GRM1: variants seen among roughly 807,000 people sequenced by gnomAD.
GRM1 encodes metabotropic glutamate receptor 1.
In GRM1, 33 loss-of-function variants were observed where a neutral mutation model predicts 90.9. The observed-to-expected ratio is 0.36, with a 90% CI of 0.28 to 0.49. GRM1 has a LOEUF of 0.49. Among genes scored for constraint, GRM1 ranks in the 20% least tolerant of loss-of-function variants. GRM1 has a pLI of 0.99. For missense variants in GRM1, 1,190 were observed against 1,534.3 expected (o/e 0.78, Z 3.75); for synonymous variants, 700 against 613.2 (o/e 1.14, Z -2.09).
chr6:146,260,950 A>G (rs1781676746), intron 2 of GRM1, among the ~76,000 whole-genome samples: 1 of 151,048 alleles, frequency 6.6e-6, no homozygotes. Context: ...TAGCATCTAG[A>G]TACTGCTTGG....
chr6:146,311,849 G>GATCAT (rs1271696362), intron 3 of GRM1, among the ~76,000 whole-genome samples: 2 of 152,072 alleles, frequency 1.3e-5, no homozygotes, highest in Admixed American at 6.6e-5. Context: ...TGTTTTGATT[G>GATCAT]ATCATATGAT....
At chr6:146,199,190 A>C (rs1418245072) in intron 2 of GRM1, among the ~76,000 whole-genome samples, 1 of 152,158 alleles carries the variant, frequency 6.6e-6, no homozygotes, top group Non-Finnish European at 1.5e-5. Context: ...CTTCCCATTG[A>C]GTGCAATTCT....
chr6:146,030,759 C>T (rs1790677764), intron 1 of GRM1, among the ~76,000 whole-genome samples: 1 of 152,150 alleles, frequency 6.6e-6, no homozygotes, highest in Admixed American at 6.5e-5. Context: ...AGTCATCTCC[C>T]TCAGTATATC....
intron 1 of GRM1, among the ~76,000 whole-genome samples, chr6:146,080,575 G>A (rs1001271926): frequency 5.3e-5 from 8 of 152,118 alleles, no homozygotes; most frequent in Admixed American, 6.6e-5. Context: ...CTAAGCAAGG[G>A]GCCCCTACCC....
chr6:146,095,966 T>A (rs1430432054), intron 1 of GRM1, among the ~76,000 whole-genome samples: 2 of 152,152 alleles, frequency 1.3e-5, no homozygotes, highest in East Asian at 3.9e-4. Flanking sequence ...AATGTGGCTC[T>A]CTTCTCCTCT....
chr6:146,350,602 A>G (rs1785371010), intron 3 of GRM1, among the ~76,000 whole-genome samples: 1 of 152,004 alleles, frequency 6.6e-6, no homozygotes, highest in Non-Finnish European at 1.5e-5. Context: ...TACCTCTTTT[A>G]TGGTCCCAGT....
intron 1 of GRM1, among the ~76,000 whole-genome samples, chr6:146,130,813 C>G (rs917773066): frequency 1.3e-5 from 2 of 152,134 alleles, no homozygotes; most frequent in African/African-American, 2.4e-5. Flanking sequence ...GCTAGCCCCC[C>G]TCTCAAGTTC....
intron 1 of GRM1, among the ~76,000 whole-genome samples, chr6:146,044,228 T>G (rs950655724): frequency 6.6e-6 from 1 of 151,926 alleles, no homozygotes; most frequent in Admixed American, 6.6e-5. Context: ...ACAGTCTCCC[T>G]TCCTGTTTTC....
intron 2 of GRM1, among the ~76,000 whole-genome samples, chr6:146,198,007 A>T (rs886522688): frequency 6.6e-6 from 1 of 152,254 alleles, no homozygotes; most frequent in African/African-American, 2.4e-5. Context: ...CACAATAAAA[A>T]CAAAAAATAA....
Position 146,293,089 on chromosome 6 carries a change from A to T in GRM1, c.951-11522A>T, listed in dbSNP as rs567232848. On this transcript the variant is annotated intron_variant, in intron 2 of 7. Transcript: ENST00000282753. ...ATAGGTAAATCTATAGAGATAAAAAAGTGACTTGATTGCCAGGGACTGGGG... is the reference window on the plus strand; with the variant it reads ...ATAGGTAAATCTATAGAGATAAAAATGTGACTTGATTGCCAGGGACTGGGG... 1.5e-4 allele frequency among the ~76,000 whole-genome samples: 23 copies of T among 152,172 alleles called. No homozygotes were observed. In the South Asian group the frequency reaches 4.8e-3, roughly 31 times the overall value.
intron 5 of GRM1, among the ~76,000 whole-genome samples, chr6:146,377,870 C>A (rs564459866): frequency 6.6e-6 from 1 of 152,272 alleles, no homozygotes; most frequent in East Asian, 1.9e-4. Flanking sequence ...GTGCAAGCCC[C>A]AAGCCTTGGT....
At chr6:146,418,562 A>AT (rs140981953) in intron 7 of GRM1, among the ~76,000 whole-genome samples, 1,943 of 151,748 alleles carry the variant, frequency 0.013, 46 homozygotes, top group African/African-American at 0.045. Context: ...TATTTTTACT[A>AT]TTTTTTTAAT....
At chr6:146,304,439 T>C (rs576169236) in intron 2 of GRM1, among the ~76,000 whole-genome samples, 172 bp from the exon 3 acceptor site, 1 of 152,310 alleles carries the variant, frequency 6.6e-6, no homozygotes, top group East Asian at 1.9e-4. Context: ...AAACAGGATA[T>C]TATGCTTTCA....
intron 3 of GRM1, among the ~76,000 whole-genome samples, chr6:146,313,540 G>A (rs555143870): frequency 1.9e-4 from 29 of 152,102 alleles, no homozygotes; most frequent in Non-Finnish European, 3.1e-4. Context: ...GAATAGTTTT[G>A]TATTTCACGC....
At chr6:146,350,365 G>A (rs1785357797) in intron 3 of GRM1, among the ~76,000 whole-genome samples, 1 of 150,802 alleles carries the variant, frequency 6.6e-6, no homozygotes, top group South Asian at 2.1e-4. Flanking sequence ...GTTTGACCCT[G>A]TTGTTGGTTG....
intron 1 of GRM1, among the ~76,000 whole-genome samples, chr6:146,040,675 T>C (rs1008517956): frequency 2.0e-5 from 3 of 152,038 alleles, no homozygotes; most frequent in African/African-American, 7.2e-5. Flanking sequence ...TTGCTCCTTT[T>C]GGGATTATCA....
At chr6:146,028,690 T>C (rs1790592225), upstream of GRM1, among the ~76,000 whole-genome samples, 1 of 152,328 alleles carries the variant, frequency 6.6e-6, no homozygotes, top group Middle Eastern at 3.4e-3. Context: ...GGCAAATTTA[T>C]ATTTACAGCT....
At position 146,173,272 on chromosome 6, in the gene GRM1, C is replaced by T. The variant is rs1478722033; in HGVS notation, c.950+13675C>T. 2.6e-5 allele frequency among the ~76,000 whole-genome samples: 4 copies of T among 151,854 alleles called. No homozygotes were observed. The South Asian group carries it at 8.4e-4, about 32-fold the overall frequency. The stretch of plus-strand genomic sequence containing the variant: ...GGGCATGGTGGCGCCTGCCTGTAAT[C>T]CCAGCTACTCAGGAGGCTGAGGCAG... On this transcript the variant is annotated intron_variant, in intron 2 of 7. Coordinates refer to ENST00000282753, the MANE Select transcript of GRM1 (RefSeq NM_001278064.2).
At chr6:146,347,380 T>C (rs1310348362) in intron 3 of GRM1, among the ~76,000 whole-genome samples, 1 of 152,210 alleles carries the variant, frequency 6.6e-6, no homozygotes, top group African/African-American at 2.4e-5. Flanking sequence ...AGCCAATGTA[T>C]TTCATTCTCA....
Sources: gnomAD v4.1 joint callset for allele counts (sites outside exome capture counted in the v4.1 genomes callset) on GRCh38, gnomAD v4.1.1 for gene constraint, MANE v1.5 for transcripts, NCBI Gene and HGNC (gene_info 2026-07-23, HGNC 2026-07-21) for gene names.